SIPA1L2: variants seen among roughly 807,000 people sequenced by gnomAD.
SIPA1L2 encodes the protein signal-induced proliferation-associated 1-like protein 2.
In SIPA1L2, 56 loss-of-function variants were observed where a neutral mutation model predicts 163.9. The ratio of observed to expected loss-of-function variants is 0.34; its 90% confidence interval spans 0.28 to 0.43. The LOEUF is 0.43. Among genes scored for constraint, SIPA1L2 ranks in the 20% least tolerant of loss-of-function variants. The probability of loss-of-function intolerance (pLI) is 1.00; values close to 1 mark genes in which losing one functional copy is unlikely to be tolerated. For missense variants in SIPA1L2, 1,974 were observed against 2,193.5 expected, an observed-to-expected ratio of 0.90 and a Z score of 2.00; for synonymous variants, 877 against 865.7, an observed-to-expected ratio of 1.01 and a Z score of -0.23.
At chr1:232,435,792 G>C (rs1004838130) in intron 15 of SIPA1L2, among the ~76,000 whole-genome samples, 3 of 152,238 alleles carry the variant, frequency 2.0e-5, no homozygotes, top group Admixed American at 1.3e-4. Flanking sequence ...AAGCAGGCTA[G>C]ATATATGCTT....
chr1:232,409,890 A>G (rs1558153024), intron 19 of SIPA1L2, among the ~76,000 whole-genome samples: 2 of 152,244 alleles, frequency 1.3e-5, no homozygotes, highest in Non-Finnish European at 2.9e-5. Flanking sequence ...TTTGTTACAC[A>G]GCAATAGGTA....
intron 1 of SIPA1L2, among the ~76,000 whole-genome samples, chr1:232,594,294 G>A (rs1031862512): frequency 2.0e-5 from 3 of 152,206 alleles, no homozygotes; most frequent in East Asian, 1.9e-4. Flanking sequence ...GAGCTGCTAC[G>A]GGCAGAGCTG....
At chr1:232,559,096 G>A (rs898056139) in intron 2 of SIPA1L2, among the ~76,000 whole-genome samples, 2 of 152,128 alleles carry the variant, frequency 1.3e-5, no homozygotes, top group Non-Finnish European at 1.5e-5. Flanking sequence ...GTAGAAGAAT[G>A]TCTGAATTTA....
rs147077529 is a variant in SIPA1L2, at chr1:232,455,781, G to A, written c.3095+5106C>T. ...AATACTATACAGCCATAAAAAGAAC[G>A]AAACCATGTCTTTTGCAGCAACACA... On this transcript the variant is annotated intron_variant, in intron 10 of 22. Coordinates refer to ENST00000674635, the MANE Select transcript of SIPA1L2 (RefSeq NM_020808.5). Among the ~76,000 whole-genome samples, 750 of 149,752 alleles carry A rather than the reference G, an allele frequency of 5.0e-3. 6 individuals carry two copies. Among genetic ancestry groups the A allele is most frequent in the African/African-American group, 0.017 (699 of 40,662 alleles).
At chr1:232,466,994 A>T (rs1057082137) in intron 8 of SIPA1L2, among the ~76,000 whole-genome samples, 3 of 152,196 alleles carry the variant, frequency 2.0e-5, no homozygotes, top group Non-Finnish European at 4.4e-5. Flanking sequence ...TTTTGTTTTC[A>T]TCATTGTGGA....
intron 2 of SIPA1L2, among the ~76,000 whole-genome samples, chr1:232,563,790 C>T (rs789660): frequency 0.067 from 10,250 of 152,050 alleles, 942 homozygotes; most frequent in African/African-American, 0.21. Flanking sequence ...TCTCCGCTTC[C>T]TGCAGCCTCT....
chr1:232,561,490 C>A (rs1345782366), intron 2 of SIPA1L2: 2 of 152,094 alleles, frequency 1.3e-5, no homozygotes, highest in Admixed American at 1.3e-4. Context: ...GAGCTGGATA[C>A]ACAGATCACA....
chr1:232,595,461 C>T lies in SIPA1L2; in HGVS notation c.-318-21239G>A, dbSNP rs559355350. ...CACCCTTTGTGCTGGGCTGTCACTG[C>T]TGGGCTGTCACTGCTGCACCGGGCG... On this transcript the variant is annotated intron_variant, in intron 1 of 22. Coordinates refer to ENST00000674635, the MANE Select transcript of SIPA1L2 (RefSeq NM_020808.5). Among the ~76,000 whole-genome samples, 59 of 152,326 alleles carry T rather than the reference C, an allele frequency of 3.9e-4. 1 individual carries two copies. Among genetic ancestry groups the T allele is most frequent in the African/African-American group, 1.4e-3 (58 of 41,568 alleles).
chr1:232,485,148 T>G (rs903825634), intron 5 of SIPA1L2, among the ~76,000 whole-genome samples: 5 of 152,194 alleles, frequency 3.3e-5, no homozygotes, highest in African/African-American at 1.2e-4. Context: ...TACCCATATA[T>G]TCTGAATGCA....
At position 232,483,883 on chromosome 1, in the gene SIPA1L2, C is replaced by T. The variant is rs559549937; in HGVS notation, c.1890G>A (p.Ala630=). Reference sequence around the variant, plus strand: ...CAAGGAATTCTTCAAAAGCTGGTCCCGCCGTCTCATTGTTATACATCTCTT... The same window carrying T: ...CAAGGAATTCTTCAAAAGCTGGTCCTGCCGTCTCATTGTTATACATCTCTT... ...TEEEMYNNET[A]GPAFEEFLDL... is the part of the protein sequence containing the mutation. The change falls in exon 6 of 23, where the codon GCG becomes GCA. Residue 630 remains alanine, a synonymous_variant. Transcript: ENST00000674635. 2.2e-5 allele frequency: 36 copies of T among 1,614,008 alleles called. No homozygotes were observed. In the Admixed American group the frequency reaches 3.2e-4, roughly 14 times the overall value.
Position 232,514,528 on chromosome 1 carries a change from C to T in SIPA1L2, c.812G>A (p.Gly271Glu), listed in dbSNP as rs779216301. 3.7e-6 allele frequency: 6 copies of T among 1,614,040 alleles called. No individual in the cohort carries two copies. In the Admixed American group the frequency reaches 6.7e-5, roughly 18 times the overall value. Residue 271 changes from glycine (G) to glutamate (E), a missense_variant, in exon 3 of 23, where the codon GGG becomes GAG. Transcript: ENST00000674635. Reference protein sequence around the residue: ...LDYVDSALLMGRDRDKPFKRR... With the variant: ...LDYVDSALLMERDRDKPFKRR... ...TTTGAAAGGCTTGTCCCTGTCTCTC[C>T]CCATCAGGAGGGCACTGTCCACATA...
At chr1:232,422,043 T>C (rs1343573350) in intron 18 of SIPA1L2, among the ~76,000 whole-genome samples, 2 of 152,126 alleles carry the variant, frequency 1.3e-5, no homozygotes, top group African/African-American at 2.4e-5. Context: ...AAAAGGAAAA[T>C]ATGACTGCTT....
chr1:232,487,766 T>G (rs910086965), intron 5 of SIPA1L2, among the ~76,000 whole-genome samples: 1 of 152,034 alleles, frequency 6.6e-6, no homozygotes, highest in African/African-American at 2.4e-5. Flanking sequence ...CTAACCAAAC[T>G]GAAGGAACAG....
At chr1:232,547,649 T>C (rs368875684) in intron 2 of SIPA1L2, among the ~76,000 whole-genome samples, 3 of 151,774 alleles carry the variant, frequency 2.0e-5, no homozygotes, top group Non-Finnish European at 4.4e-5. Context: ...AAATTACCAA[T>C]CTAGGGAAGA....
chr1:232,518,008 C>T (rs1451933829), intron 2 of SIPA1L2, among the ~76,000 whole-genome samples: 1 of 152,162 alleles, frequency 6.6e-6, no homozygotes, highest in Non-Finnish European at 1.5e-5. Context: ...GATCGCACCA[C>T]TGCACCCCAG....
chr1:232,609,651 A>T (rs1662138106), intron 1 of SIPA1L2, among the ~76,000 whole-genome samples: 1 of 152,048 alleles, frequency 6.6e-6, no homozygotes, highest in Admixed American at 6.6e-5. Context: ...CAACATAGTG[A>T]AACCCTGTCT....
chr1:232,402,259 T>C (rs1033703957), intron 22 of SIPA1L2, 133 bp downstream of exon 22: 3 of 647,548 alleles, frequency 4.6e-6, no homozygotes, highest in Admixed American at 6.5e-5. Context: ...CTCAGGAGCA[T>C]CTGTTGGTAT....
intron 1 of SIPA1L2, among the ~76,000 whole-genome samples, chr1:232,610,026 T>C (rs754077122): frequency 1.6e-4 from 25 of 152,156 alleles, no homozygotes; most frequent in Non-Finnish European, 7.4e-5. Flanking sequence ...GTGACTCACT[T>C]TATTCATCTC....
intron 9 of SIPA1L2, 23 bp from the exon 10 acceptor site, chr1:232,461,184 G>C: frequency 6.2e-7 from 1 of 1,606,100 alleles, no homozygotes; most frequent in Non-Finnish European, 8.5e-7. Context: ...GAGACTGTTA[G>C]AGATGCCCTT....
Sources: gnomAD v4.1 joint callset for allele counts (sites outside exome capture counted in the v4.1 genomes callset) on GRCh38, gnomAD v4.1.1 for gene constraint, MANE v1.5 for transcripts, NCBI Gene and HGNC (gene_info 2026-07-23, HGNC 2026-07-21) for gene names.